The following RAD18 variants were observed in gnomAD, a reference collection of about 807,000 sequenced individuals.
The protein encoded by RAD18 is E3 ubiquitin-protein ligase RAD18.
In RAD18, 47 loss-of-function variants were observed where a neutral mutation model predicts 60.4. That is an observed-to-expected ratio of 0.78 (90% CI 0.62 to 0.99). RAD18 has a LOEUF of 0.99. RAD18 is among the 50% of genes least tolerant of loss of function. RAD18 has a pLI of 0.00. For synonymous variants in RAD18, 225 were observed against 195.5 expected, an observed-to-expected ratio of 1.15 and a Z score of -1.26; for missense variants, 640 against 593.3, an observed-to-expected ratio of 1.08 and a Z score of -0.82.
chr3:8,962,191 G>A (rs1225748626), intron 1 of RAD18, among the ~76,000 whole-genome samples: 3 of 152,142 alleles, frequency 2.0e-5, no homozygotes, highest in Non-Finnish European at 4.4e-5. Context: ...ATTTATAGTT[G>A]AAGAAATTCA....
At chr3:8,943,817 C>T (rs956299844) in intron 4 of RAD18, among the ~76,000 whole-genome samples, 5 of 152,070 alleles carry the variant, frequency 3.3e-5, no homozygotes, top group Admixed American at 6.5e-5. Flanking sequence ...CTAAACTGAA[C>T]GATAGCATGA....
intron 5 of RAD18, among the ~76,000 whole-genome samples, chr3:8,940,650 ATT>A (rs766642001): frequency 2.6e-4 from 39 of 152,348 alleles, no homozygotes; most frequent in Non-Finnish European, 4.4e-4. Context: ...AAGCTGACAT[ATT>A]CATCAAACAG....
intron 2 of RAD18, among the ~76,000 whole-genome samples, chr3:8,949,691 A>T (rs1004398890): frequency 6.6e-6 from 1 of 152,182 alleles, no homozygotes; most frequent in Non-Finnish European, 1.5e-5. Flanking sequence ...TAATACAGAC[A>T]ATCACAACTT....
intron 11 of RAD18, 119 bp downstream of exon 11, chr3:8,898,775 A>T: frequency 1.1e-6 from 1 of 884,498 alleles, no homozygotes; most frequent in Non-Finnish European, 1.6e-6. Context: ...GGGGACTGAA[A>T]TGTAAGAGTG....
In RAD18 at chr3:8,878,741, A is replaced by G. The variant is rs904462160; in HGVS notation, c.*2616T>C. Reference sequence around the variant, plus strand: ...AGAGGATGAAAGGACGGCCTGGCATACTAGGCCATCTAAAGTGCATCCAGC... The same window carrying G: ...AGAGGATGAAAGGACGGCCTGGCATGCTAGGCCATCTAAAGTGCATCCAGC... On this transcript the variant is annotated 3_prime_UTR_variant, in exon 13 of 13. Transcript: ENST00000264926. The G allele has an allele frequency of 1.3e-5, 2 of 152,388 alleles. No individual in the cohort carries two copies. Among genetic ancestry groups the G allele is most frequent in the African/African-American group, 4.8e-5 (2 of 41,588 alleles). 9.4% of individuals were successfully genotyped at this position (152,388 alleles called of 1,614,324 possible). A position where few individuals can be genotyped will look rare whatever the true frequency, so the allele number is the denominator to read the frequency against.
intron 7 of RAD18, among the ~76,000 whole-genome samples, chr3:8,914,161 T>C (rs1203632581): frequency 6.6e-6 from 1 of 152,222 alleles, no homozygotes; most frequent in African/African-American, 2.4e-5. Context: ...TGTCCTTGCC[T>C]CCAGAACCTT....
chr3:8,932,122 G>A (rs1940571262), intron 7 of RAD18, among the ~76,000 whole-genome samples: 1 of 151,996 alleles, frequency 6.6e-6, no homozygotes, highest in African/African-American at 2.4e-5. Context: ...CAACACAATT[G>A]TATACATAAA....
chr3:8,936,949 T>C (rs1188077409), intron 6 of RAD18, among the ~76,000 whole-genome samples: 1 of 152,172 alleles, frequency 6.6e-6, no homozygotes, highest in Non-Finnish European at 1.5e-5. Flanking sequence ...AGGTATAGAC[T>C]GAAAACAATC....
intron 12 of RAD18, among the ~76,000 whole-genome samples, chr3:8,885,006 G>T (rs1348926394): frequency 6.6e-6 from 1 of 152,220 alleles, no homozygotes; most frequent in East Asian, 1.9e-4. Flanking sequence ...TATTCCTGGG[G>T]AGGGCCACAG....
At chr3:8,937,321 T>C (rs1442640577) in intron 6 of RAD18, among the ~76,000 whole-genome samples, 1 of 152,184 alleles carries the variant, frequency 6.6e-6, no homozygotes, top group Non-Finnish European at 1.5e-5. Context: ...TACTGTTCAC[T>C]GGCATTTACA....
At chr3:8,933,240 C>T (rs384972) in intron 7 of RAD18, among the ~76,000 whole-genome samples, 108,280 of 151,946 alleles carry the variant, frequency 0.71, 39,019 homozygotes, top group Middle Eastern at 0.78. Context: ...TGTAATTCCA[C>T]TTATGTGACA....
intron 11 of RAD18, among the ~76,000 whole-genome samples, chr3:8,891,454 G>C (rs593066): frequency 0.77 from 117,697 of 152,014 alleles, 45,984 homozygotes; most frequent in South Asian, 0.89. Flanking sequence ...CAAATCACCA[G>C]CACAAATCAC....
At position 8,939,032 on chromosome 3, in the gene RAD18, G is replaced by T. The variant is rs149229965; in HGVS notation, c.704+522C>A. On this transcript the variant is annotated intron_variant, in intron 6 of 12. Coordinates refer to ENST00000264926, the MANE Select transcript of RAD18 (RefSeq NM_020165.4). ...TTATTAGCTACAATACCTGGAGGAT[G>T]GGGGGGTGGTGTGGGGTATGACATT... Among the ~76,000 whole-genome samples, 408 of 152,056 alleles carry T rather than the reference G, an allele frequency of 2.7e-3. 2 individuals carry two copies. The highest frequency in any genetic ancestry group is 9.3e-3 in the African/African-American group (384 of 41,466).
chr3:8,943,162 A>G (rs1329086227), intron 4 of RAD18, among the ~76,000 whole-genome samples: 1 of 152,246 alleles, frequency 6.6e-6, no homozygotes, highest in Non-Finnish European at 1.5e-5. Context: ...CACAGCTTCT[A>G]CAACGTTTCA....
rs573713774 is a variant in RAD18, at chr3:8,963,145, T to C, written c.51+190A>G. On this transcript the variant is annotated intron_variant, in intron 1 of 12. Coordinates refer to ENST00000264926, the MANE Select transcript of RAD18 (RefSeq NM_020165.4). ...CCTCAGCTCACCAGGCTTGTCCTTG[T>C]CACTTATCAGAGGAGTAAACTGAGA... Among the ~76,000 whole-genome samples, 3 of 152,278 alleles carry C rather than the reference T, an allele frequency of 2.0e-5. No homozygotes were observed. The South Asian group carries it at 6.2e-4, about 32-fold the overall frequency.
intron 12 of RAD18, among the ~76,000 whole-genome samples, chr3:8,888,886 A>C (rs1939631335): frequency 6.6e-6 from 1 of 152,198 alleles, no homozygotes; most frequent in Non-Finnish European, 1.5e-5. Flanking sequence ...CATTATCAAG[A>C]GCAGGCTTGG....
chr3:8,913,558 A>G lies in RAD18; in HGVS notation c.966+86T>C, dbSNP rs552373776. On this transcript the variant is annotated intron_variant, in intron 8 of 12. Transcript: ENST00000264926. ...GTGGAAATGTGTTAGTAAATGAATA[A>G]ATTTAATAATGGCTTGCTTTAATTT... 29 of 993,262 alleles carry G rather than the reference A, an allele frequency of 2.9e-5. No individual in the cohort carries two copies. The Admixed American group carries it at 7.7e-4, about 26-fold the overall frequency. 61.5% of individuals were successfully genotyped at this position (993,262 alleles called of 1,614,324 possible). A position where few individuals can be genotyped will look rare whatever the true frequency, so the allele number is the denominator to read the frequency against.
chr3:8,921,174 G>T (rs547495837), intron 7 of RAD18, among the ~76,000 whole-genome samples: 1 of 152,304 alleles, frequency 6.6e-6, no homozygotes, highest in Non-Finnish European at 1.5e-5. Context: ...TAAAGCAAAT[G>T]AGGCAAAATG....
chr3:8,960,007 GGTGA>G (rs1347702444), intron 1 of RAD18, among the ~76,000 whole-genome samples: 7 of 152,122 alleles, frequency 4.6e-5, no homozygotes, highest in Admixed American at 3.9e-4. Flanking sequence ...AAAAGGAAGA[GGTGA>G]GTAAGAATGT....
Sources: allele counts gnomAD v4.1 joint callset (sites outside exome capture counted in the v4.1 genomes callset), GRCh38; gene constraint gnomAD v4.1.1; transcripts MANE v1.5; gene names NCBI Gene and HGNC (gene_info 2026-07-23, HGNC 2026-07-21).